The following CERS6 variants were observed in gnomAD, a reference collection of about 807,000 sequenced individuals.
The protein encoded by CERS6 is LAG1 homolog, ceramide synthase 6.
In CERS6, 26 loss-of-function variants were observed where a neutral mutation model predicts 56.8. The observed-to-expected ratio is 0.46, with a 90% CI of 0.34 to 0.63. The LOEUF (loss-of-function observed/expected upper bound fraction) is 0.63, where lower values mean the gene tolerates loss of function less well. Ranked by LOEUF, CERS6 falls within the 30% of genes least tolerant of loss-of-function variation. CERS6 has a pLI of 0.01. For synonymous variants in CERS6, 164 were observed against 173.3 expected (o/e 0.95, Z 0.42); for missense variants, 415 against 467.5 (o/e 0.89, Z 1.04).
intron 4 of CERS6, among the ~76,000 whole-genome samples, chr2:168,637,648 T>C (rs1684892430): frequency 6.6e-6 from 1 of 152,162 alleles, no homozygotes; most frequent in African/African-American, 2.4e-5. Flanking sequence ...TAATGTCTCA[T>C]ATTAGAAGAA....
At chr2:168,541,561 T>G (rs1695370841) in intron 1 of CERS6, among the ~76,000 whole-genome samples, 1 of 152,182 alleles carries the variant, frequency 6.6e-6, no homozygotes, top group African/African-American at 2.4e-5. Flanking sequence ...GGGTCATATT[T>G]TACTTGTTCT....
At chr2:168,675,614 A>G (rs1214418784) in intron 4 of CERS6, among the ~76,000 whole-genome samples, 1 of 151,888 alleles carries the variant, frequency 6.6e-6, no homozygotes, top group Admixed American at 6.6e-5. Flanking sequence ...AACCAAGGAC[A>G]ACAACAACAA....
At chr2:168,521,156 G>T (rs182719958) in intron 1 of CERS6, among the ~76,000 whole-genome samples, 2 of 152,138 alleles carry the variant, frequency 1.3e-5, no homozygotes, top group Admixed American at 6.6e-5. Context: ...TGACAACGCC[G>T]TACAGTGATA....
chr2:168,469,907 A>G (rs1276004971), intron 1 of CERS6, among the ~76,000 whole-genome samples: 1 of 152,150 alleles, frequency 6.6e-6, no homozygotes, highest in East Asian at 1.9e-4. Context: ...CGCAGCCTAA[A>G]GAGATGAATG....
At chr2:168,484,065 T>G (rs1361612632) in intron 1 of CERS6, among the ~76,000 whole-genome samples, 3 of 152,094 alleles carry the variant, frequency 2.0e-5, no homozygotes, top group Non-Finnish European at 4.4e-5. Flanking sequence ...AGACTGTGCT[T>G]ATTAAAAGCA....
chr2:168,593,338 A>G (rs531791718), intron 3 of CERS6, among the ~76,000 whole-genome samples: 1 of 152,324 alleles, frequency 6.6e-6, no homozygotes, highest in South Asian at 2.1e-4. Context: ...ATTTGACCAC[A>G]GCTTTTTTGT....
intron 1 of CERS6, among the ~76,000 whole-genome samples, chr2:168,478,242 G>T (rs1256455352): frequency 6.6e-6 from 1 of 152,120 alleles, no homozygotes; most frequent in Non-Finnish European, 1.5e-5. Context: ...GTGAGATGAA[G>T]ATTTATCTTA....
chr2:168,715,857 G>A (rs1025341936), intron 7 of CERS6, among the ~76,000 whole-genome samples: 1 of 151,992 alleles, frequency 6.6e-6, no homozygotes, highest in Non-Finnish European at 1.5e-5. Flanking sequence ...AATATAACTG[G>A]TCAGAATTAC....
chr2:168,657,573 A>G (rs1685515151), intron 4 of CERS6, among the ~76,000 whole-genome samples: 1 of 152,220 alleles, frequency 6.6e-6, no homozygotes, highest in African/African-American at 2.4e-5. Context: ...GCAGGTCCCG[A>G]GCCCTGCCCC....
intron 5 of CERS6, among the ~76,000 whole-genome samples, chr2:168,692,524 G>A (rs376977440): frequency 5.9e-5 from 9 of 152,258 alleles, no homozygotes; most frequent in African/African-American, 9.6e-5. Context: ...TCACAGCACT[G>A]TAGATTCAAC....
chr2:168,531,172 GT>G (rs757965265), intron 1 of CERS6, among the ~76,000 whole-genome samples: 2 of 152,094 alleles, frequency 1.3e-5, no homozygotes, highest in Non-Finnish European at 2.9e-5. Context: ...ATTTGAGGAG[GT>G]TATAGACTGC....
chr2:168,628,249 C>T (rs1000227912), intron 3 of CERS6, among the ~76,000 whole-genome samples: 1 of 152,100 alleles, frequency 6.6e-6, no homozygotes, highest in Non-Finnish European at 1.5e-5. Context: ...TTTTCATTCC[C>T]GAATTTAGAG....
chr2:168,577,337 T>C (rs962918885), intron 3 of CERS6, among the ~76,000 whole-genome samples: 7 of 152,100 alleles, frequency 4.6e-5, no homozygotes, highest in African/African-American at 1.7e-4. Context: ...ATGCAAGTCA[T>C]TCGGTGTCTG....
intron 1 of CERS6, among the ~76,000 whole-genome samples, chr2:168,519,949 T>C (rs1694948335): frequency 6.6e-6 from 1 of 152,250 alleles, no homozygotes; most frequent in African/African-American, 2.4e-5. Flanking sequence ...TACCCAGTTA[T>C]AGGATTGCTG....
intron 4 of CERS6, among the ~76,000 whole-genome samples, chr2:168,631,758 T>G (rs1308476818): frequency 2.8e-4 from 35 of 126,944 alleles, no homozygotes; most frequent in African/African-American, 9.3e-4. Flanking sequence ...TATATTTTCA[T>G]ATTGTATATA....
At chr2:168,718,035 A>T in intron 8 of CERS6, 57 bp downstream of exon 8, 1 of 1,272,336 alleles carries the variant, frequency 7.9e-7, no homozygotes, top group Non-Finnish European at 1.1e-6. Context: ...AGCTTTCTGA[A>T]CCATTTTCCT....
At chr2:168,494,774 G>A (rs960414866) in intron 1 of CERS6, among the ~76,000 whole-genome samples, 2 of 152,112 alleles carry the variant, frequency 1.3e-5, no homozygotes, top group African/African-American at 4.8e-5. Flanking sequence ...ATGGAATATC[G>A]ATAGCTTTTT....
chr2:168,578,744 G>A (rs1002889191), intron 3 of CERS6, among the ~76,000 whole-genome samples: 10 of 152,114 alleles, frequency 6.6e-5, no homozygotes, highest in African/African-American at 2.4e-4. Flanking sequence ...TTAAAAAAAG[G>A]TTTTACTTGG....
chr2:168,761,014 C>T (rs1337457344), intron 8 of CERS6, among the ~76,000 whole-genome samples: 3 of 152,158 alleles, frequency 2.0e-5, no homozygotes, highest in African/African-American at 7.2e-5. Context: ...GCCTCGGCCT[C>T]CCAAAGTGCT....
Sources: allele counts gnomAD v4.1 joint callset (sites outside exome capture counted in the v4.1 genomes callset), GRCh38; gene constraint gnomAD v4.1.1; transcripts MANE v1.5; gene names NCBI Gene and HGNC (gene_info 2026-07-23, HGNC 2026-07-21).